Variants in ZNF804B observed in about 807,000 individuals in gnomAD.
ZNF804B encodes zinc finger protein 804B.
ZNF804B carries 80 observed loss-of-function variants against 101.4 expected under a neutral mutation model. The ratio of observed to expected loss-of-function variants is 0.79; its 90% confidence interval spans 0.66 to 0.95. ZNF804B has a LOEUF of 0.95. Among genes scored for constraint, ZNF804B ranks in the 40% least tolerant of loss-of-function variants. The pLI is 0.00. For missense variants in ZNF804B, 1,673 were observed against 1,561.9 expected, an observed-to-expected ratio of 1.07 and a Z score of -1.20; for synonymous variants, 622 against 558.8, an observed-to-expected ratio of 1.11 and a Z score of -1.59.
intron 1 of ZNF804B, among the ~76,000 whole-genome samples, chr7:89,026,057 C>G (rs1187817992): frequency 6.6e-6 from 1 of 152,132 alleles, no homozygotes; most frequent in Admixed American, 6.6e-5. Flanking sequence ...ATTACATCAG[C>G]TGTATGCATG....
At chr7:89,139,941 C>G (rs1790692130) in intron 1 of ZNF804B, among the ~76,000 whole-genome samples, 1 of 152,024 alleles carries the variant, frequency 6.6e-6, no homozygotes, top group South Asian at 2.1e-4. Flanking sequence ...TGCTCACATC[C>G]ATCAGAGGAA....
chr7:88,946,203 G>A (rs1793125677), intron 1 of ZNF804B, among the ~76,000 whole-genome samples: 1 of 151,972 alleles, frequency 6.6e-6, no homozygotes, highest in African/African-American at 2.4e-5. Flanking sequence ...TGCCCATTCA[G>A]TATCATATTG....
At chr7:88,997,019 A>G (rs972170763) in intron 1 of ZNF804B, among the ~76,000 whole-genome samples, 2 of 152,122 alleles carry the variant, frequency 1.3e-5, no homozygotes, top group Non-Finnish European at 2.9e-5. Flanking sequence ...ATGCTGTAGC[A>G]TGTAAAAATT....
At chr7:89,111,939 A>C (rs1299936218) in intron 1 of ZNF804B, among the ~76,000 whole-genome samples, 2 of 152,002 alleles carry the variant, frequency 1.3e-5, no homozygotes, top group African/African-American at 4.8e-5. Flanking sequence ...CTCCATCTCT[A>C]CCAAAAACTA....
chr7:89,025,892 T>C (rs1183179577), intron 1 of ZNF804B, among the ~76,000 whole-genome samples: 3 of 152,162 alleles, frequency 2.0e-5, no homozygotes, highest in Non-Finnish European at 2.9e-5. Flanking sequence ...AATTATATTA[T>C]TCACTGACTT....
intron 1 of ZNF804B, among the ~76,000 whole-genome samples, chr7:88,899,044 T>G (rs1232027810): frequency 6.6e-6 from 1 of 152,152 alleles, no homozygotes; most frequent in African/African-American, 2.4e-5. Context: ...ATCCCCAATT[T>G]TTGGTGAGTT....
At chr7:89,104,633 T>G (rs1790108357) in intron 1 of ZNF804B, among the ~76,000 whole-genome samples, 1 of 152,052 alleles carries the variant, frequency 6.6e-6, no homozygotes, top group Non-Finnish European at 1.5e-5. Context: ...CTCTCCTTTT[T>G]TTCCCTCTTA....
At chr7:88,933,440 G>A (rs906277077) in intron 1 of ZNF804B, among the ~76,000 whole-genome samples, 10 of 151,884 alleles carry the variant, frequency 6.6e-5, no homozygotes, top group East Asian at 1.9e-4. Context: ...CATAGGCAGC[G>A]CAATCAAACA....
intron 2 of ZNF804B, among the ~76,000 whole-genome samples, chr7:89,309,953 C>T (rs1254962249): frequency 6.6e-6 from 1 of 151,772 alleles, no homozygotes; most frequent in Non-Finnish European, 1.5e-5. Flanking sequence ...GAGGGATGGC[C>T]ATATAGCTGG....
chr7:89,237,099 A>G (rs567428786), intron 2 of ZNF804B, among the ~76,000 whole-genome samples: 9 of 152,098 alleles, frequency 5.9e-5, no homozygotes, highest in African/African-American at 2.2e-4. Flanking sequence ...CACATATCTC[A>G]CCCAGAAGAA....
chr7:89,158,055 T>C (rs574853708), intron 1 of ZNF804B, among the ~76,000 whole-genome samples: 1 of 152,012 alleles, frequency 6.6e-6, no homozygotes, highest in Admixed American at 6.6e-5. Context: ...ATAAGCGCTG[T>C]TTTTTTTCAT....
intron 1 of ZNF804B, among the ~76,000 whole-genome samples, chr7:88,903,120 C>A (rs1336345683): frequency 1.3e-5 from 2 of 148,674 alleles, no homozygotes; most frequent in Non-Finnish European, 3.0e-5. Context: ...CTCTAATAGT[C>A]TCCAGTGTTA....
intron 1 of ZNF804B, among the ~76,000 whole-genome samples, chr7:89,180,024 A>G (rs1175871412): frequency 6.6e-6 from 1 of 151,976 alleles, no homozygotes; most frequent in Admixed American, 6.6e-5. Context: ...TCTCCATGCT[A>G]TCCTGCCTGG....
chr7:88,913,150 G>T (rs1792574523), intron 1 of ZNF804B, among the ~76,000 whole-genome samples: 1 of 152,088 alleles, frequency 6.6e-6, no homozygotes, highest in African/African-American at 2.4e-5. Context: ...TTAATGTCTT[G>T]ATGGCATATA....
chr7:88,971,096 C>A (rs189429135), intron 1 of ZNF804B, among the ~76,000 whole-genome samples: 5 of 151,276 alleles, frequency 3.3e-5, no homozygotes. Flanking sequence ...CAAGCAATGG[C>A]AGAATTGAGT....
chr7:88,781,223 A>G (rs1790220524), intron 1 of ZNF804B, among the ~76,000 whole-genome samples: 1 of 152,220 alleles, frequency 6.6e-6, no homozygotes, highest in African/African-American at 2.4e-5. Context: ...AAGGGTTTCC[A>G]TAATGCATAC....
intron 1 of ZNF804B, among the ~76,000 whole-genome samples, chr7:89,193,712 C>T (rs909761216): frequency 2.6e-5 from 4 of 151,990 alleles, no homozygotes; most frequent in African/African-American, 7.2e-5. Context: ...CAGTCTATCA[C>T]TGTTGGACAT....
intron 1 of ZNF804B, among the ~76,000 whole-genome samples, chr7:88,829,176 C>G (rs552017866): frequency 1.3e-5 from 2 of 152,230 alleles, no homozygotes; most frequent in South Asian, 2.1e-4. Context: ...CCTTGAACTC[C>G]TGTGCTCAAA....
intron 1 of ZNF804B, among the ~76,000 whole-genome samples, chr7:89,175,504 T>C (rs1205089164): frequency 6.6e-6 from 1 of 152,066 alleles, no homozygotes; most frequent in Non-Finnish European, 1.5e-5. Context: ...AGCTAGGTAA[T>C]GTGATTCTTC....
Sources: allele counts gnomAD v4.1 joint callset (sites outside exome capture counted in the v4.1 genomes callset), GRCh38; gene constraint gnomAD v4.1.1; transcripts MANE v1.5; gene names NCBI Gene and HGNC (gene_info 2026-07-23, HGNC 2026-07-21).